PLXNA4: variants seen among roughly 807,000 people sequenced by gnomAD.
PLXNA4 encodes plexin-A4.
In PLXNA4, 44 loss-of-function variants were observed where a neutral mutation model predicts 191.8. The ratio of observed to expected loss-of-function variants is 0.23; its 90% CI spans 0.18 to 0.29. PLXNA4 has a LOEUF of 0.29. Ranked by LOEUF, PLXNA4 falls within the 10% of genes least tolerant of loss-of-function variation. The probability of loss-of-function intolerance (pLI) is 1.00; values close to 1 mark genes in which losing one functional copy is unlikely to be tolerated. For missense variants in PLXNA4, 1,800 were observed against 2,488.8 expected, an observed-to-expected ratio of 0.72 and a Z score of 5.89; for synonymous variants, 1,082 against 1,009.5, an observed-to-expected ratio of 1.07 and a Z score of -1.36.
intron 16 of PLXNA4, among the ~76,000 whole-genome samples, chr7:132,184,144 C>A (rs1030994070): frequency 2.0e-5 from 3 of 152,220 alleles, no homozygotes; most frequent in Non-Finnish European, 2.9e-5. Flanking sequence ...TCTGCATGTA[C>A]TTCCTGCTCA....
intron 3 of PLXNA4, among the ~76,000 whole-genome samples, chr7:132,303,109 G>A (rs1396480866): frequency 2.0e-5 from 3 of 151,686 alleles, no homozygotes; most frequent in South Asian, 4.2e-4. Context: ...ACTCGACCTC[G>A]TGATCTGCCC....
intron 3 of PLXNA4, among the ~76,000 whole-genome samples, chr7:132,416,601 G>A (rs750906066): frequency 1.3e-5 from 2 of 152,178 alleles, no homozygotes; most frequent in African/African-American, 4.8e-5. Context: ...ACACTATTAT[G>A]ACTCCTGACA....
chr7:132,607,804 A>C (rs1397620974), intron 2 of PLXNA4, among the ~76,000 whole-genome samples: 7 of 151,914 alleles, frequency 4.6e-5, no homozygotes, highest in Admixed American at 4.6e-4. Context: ...CATCATCATC[A>C]CTATCACCAT....
intron 3 of PLXNA4, among the ~76,000 whole-genome samples, chr7:132,435,490 C>T (rs1795436010): frequency 6.6e-6 from 1 of 152,120 alleles, no homozygotes; most frequent in Non-Finnish European, 1.5e-5. Flanking sequence ...ATCCTCCAAC[C>T]ACCCCAATCT....
intron 4 of PLXNA4, among the ~76,000 whole-genome samples, chr7:132,273,963 T>G (rs899148714): frequency 1.3e-5 from 2 of 151,510 alleles, no homozygotes; most frequent in Admixed American, 1.3e-4. Context: ...GGTGAATGGG[T>G]ACACTGAGGT....
intron 3 of PLXNA4, among the ~76,000 whole-genome samples, chr7:132,405,072 ATGTGTGTG>A (rs55647746): frequency 2.0e-5 from 3 of 149,214 alleles, no homozygotes; most frequent in South Asian, 4.3e-4. Context: ...GTGTGTGTGT[ATGTGTGTG>A]TGTGTGTGTG....
chr7:132,159,775 A>G (rs1795894536), intron 24 of PLXNA4, 143 bp from the exon 25 acceptor site: 10 of 1,387,532 alleles, frequency 7.2e-6, no homozygotes, highest in South Asian at 5.6e-5. Flanking sequence ...GCTCCAGGCC[A>G]TCTGTGCTCC....
chr7:132,321,252 A>G (rs939223146), intron 3 of PLXNA4, among the ~76,000 whole-genome samples: 1 of 152,210 alleles, frequency 6.6e-6, no homozygotes, highest in Non-Finnish European at 1.5e-5. Flanking sequence ...TCACACAGAA[A>G]ACAAACTGTT....
At chr7:132,515,620 T>C (rs1347239873) in intron 1 of PLXNA4, among the ~76,000 whole-genome samples, 1 of 152,212 alleles carries the variant, frequency 6.6e-6, no homozygotes, top group Non-Finnish European at 1.5e-5. Context: ...TCCCAGGTGA[T>C]GTTCGAACGT....
At chr7:132,322,275 G>C (rs1462469538) in intron 3 of PLXNA4, among the ~76,000 whole-genome samples, 1 of 151,046 alleles carries the variant, frequency 6.6e-6, no homozygotes, top group African/African-American at 2.4e-5. Context: ...CTCTGCTCTT[G>C]GGTTCAAGCG....
At chr7:132,575,038 T>C (rs1802162182) in intron 1 of PLXNA4, among the ~76,000 whole-genome samples, 2 of 152,216 alleles carry the variant, frequency 1.3e-5, no homozygotes, top group African/African-American at 4.8e-5. Context: ...TATGATCATG[T>C]TGCCTAGAAA....
rs1395093316 is a variant in PLXNA4 at position 132,508,766 on chromosome 7, T to C, written c.-73A>G. Reference sequence around the variant, plus strand: ...CCCTCAGAGGGCCAGGACTCAGCAATGCAGTCTCCCCTACTGGAGAAAGGG... The same window carrying C: ...CCCTCAGAGGGCCAGGACTCAGCAACGCAGTCTCCCCTACTGGAGAAAGGG... On this transcript the variant is annotated 5_prime_UTR_variant, in exon 2 of 32. Coordinates refer to ENST00000321063, the MANE Select transcript of PLXNA4 (RefSeq NM_020911.2). The surrounding 1 kb of genome is among the most constrained non-coding windows in gnomAD (Gnocchi z 4.4). 1 of 1,440,346 alleles carries C rather than the reference T, an allele frequency of 6.9e-7. No individual in the cohort carries two copies. Among genetic ancestry groups the C allele is most frequent in the East Asian group, 2.5e-5 (1 of 40,032 alleles). 89.2% of individuals were successfully genotyped at this position (1,440,346 alleles called of 1,614,324 possible). A position where few individuals can be genotyped will look rare whatever the true frequency, so the allele number is the denominator to read the frequency against.
At chr7:132,435,803 G>T (rs570158722) in intron 3 of PLXNA4, among the ~76,000 whole-genome samples, 4 of 152,154 alleles carry the variant, frequency 2.6e-5, no homozygotes, top group Middle Eastern at 6.8e-3. Flanking sequence ...TGGAGTACCC[G>T]CTTCCTCTCT....
At chr7:132,377,314 C>A (rs898461733) in intron 3 of PLXNA4, among the ~76,000 whole-genome samples, 1 of 151,840 alleles carries the variant, frequency 6.6e-6, no homozygotes, top group Non-Finnish European at 1.5e-5. Context: ...GCCAAGTGAC[C>A]TTTGCCTCCT....
chr7:132,451,550 AC>A (rs1347053848), intron 3 of PLXNA4, among the ~76,000 whole-genome samples: 1 of 152,230 alleles, frequency 6.6e-6, no homozygotes, highest in Non-Finnish European at 1.5e-5. Context: ...GCTTGCCTGC[AC>A]TGATGTCCAG....
chr7:132,132,430 C>CTGTTCTGTTCTGT (rs1794967803), intron 31 of PLXNA4, among the ~76,000 whole-genome samples: 1 of 76,328 alleles, frequency 1.3e-5, no homozygotes, highest in African/African-American at 4.8e-5. Context: ...CTGTTCTGTT[C>CTGTTCTGTTCTGT]TGTTCTGTTC....
rs572171778 is a variant in PLXNA4, at chr7:132,365,278, T to C, written c.1372-67056A>G. 1.8e-4 allele frequency among the ~76,000 whole-genome samples: 28 copies of C among 152,184 alleles called. No homozygotes were observed. The South Asian group carries it at 5.8e-3, about 32-fold the overall frequency. On this transcript the variant is annotated intron_variant, in intron 3 of 31. Coordinates refer to ENST00000321063, the MANE Select transcript of PLXNA4 (RefSeq NM_020911.2). The stretch of plus-strand genomic sequence containing the variant: ...TCCCTTGAGTACACTGCAGAAGGTG[T>C]CCCTTCAGGGGTTTCCATGCCCTGC...
intron 4 of PLXNA4, among the ~76,000 whole-genome samples, chr7:132,293,143 G>C (rs1800954101): frequency 6.6e-6 from 1 of 152,190 alleles, no homozygotes; most frequent in South Asian, 2.1e-4. Flanking sequence ...AGATGCCCCT[G>C]ATGGTAGGAG....
chr7:132,165,377 C>T (rs534095306), intron 22 of PLXNA4, among the ~76,000 whole-genome samples, 177 bp from the exon 23 acceptor site: 2 of 152,302 alleles, frequency 1.3e-5, no homozygotes, highest in South Asian at 4.1e-4. Context: ...CCTAGACGCC[C>T]CCATAATGGT....
Sources: allele counts gnomAD v4.1 joint callset (sites outside exome capture counted in the v4.1 genomes callset), GRCh38; gene constraint gnomAD v4.1.1; non-coding constraint Gnocchi (gnomAD v3.1); transcripts MANE v1.5; gene names NCBI Gene and HGNC (gene_info 2026-07-23, HGNC 2026-07-21).